PHACTR2: variants seen among roughly 807,000 people sequenced by gnomAD.
PHACTR2 encodes phosphatase and actin regulator 2, also known as chromosome 6 open reading frame 56.
PHACTR2 carries 30 observed loss-of-function variants against 76.0 expected under a neutral mutation model. That is an observed-to-expected ratio of 0.39 (90% confidence interval 0.30 to 0.54). The LOEUF (loss-of-function observed/expected upper bound fraction) is 0.54, where lower values mean the gene tolerates loss of function less well. Among genes scored for constraint, PHACTR2 ranks in the 20% least tolerant of loss-of-function variants. The probability of loss-of-function intolerance (pLI) is 0.61; values close to 1 mark genes in which losing one functional copy is unlikely to be tolerated. For synonymous variants in PHACTR2, 292 were observed against 292.5 expected (o/e 1.00, Z 0.02); for missense variants, 696 against 781.1 (o/e 0.89, Z 1.30).
chr6:143,724,582 A>G (rs1778516565), intron 2 of PHACTR2, among the ~76,000 whole-genome samples: 1 of 144,838 alleles, frequency 6.9e-6, no homozygotes, highest in African/African-American at 2.6e-5. Context: ...AAGGAAGAAA[A>G]ATAGAGGTCC....
chr6:143,660,117 T>C (rs568543137), intron 1 of PHACTR2, among the ~76,000 whole-genome samples: 4 of 152,278 alleles, frequency 2.6e-5, no homozygotes, highest in African/African-American at 7.2e-5. Flanking sequence ...GGCCTAGCAG[T>C]AAAGCTGCTC....
chr6:143,638,118 A>G (rs1460967830), intron 1 of PHACTR2, among the ~76,000 whole-genome samples: 2 of 152,260 alleles, frequency 1.3e-5, no homozygotes, highest in Non-Finnish European at 2.9e-5. Flanking sequence ...TTGATGAATT[A>G]TTTCAGTAAA....
rs541090523 is a variant in PHACTR2 at position 143,822,872 on chromosome 6, A to T, written c.1923-802A>T. Among the ~76,000 whole-genome samples, 17 of 152,368 alleles carry T rather than the reference A, an allele frequency of 1.1e-4. No individual in the cohort carries two copies. Among genetic ancestry groups the T allele is most frequent in the Non-Finnish European group, 1.8e-4 (12 of 68,034 alleles). On this transcript the variant is annotated intron_variant, in intron 12 of 12. Transcript: ENST00000440869. This position sits in a 1 kb window ranked among gnomAD's most constrained non-coding sequence, Gnocchi z 5.5. Reference sequence around the variant, plus strand: ...AAAAGCACCGGGCTACAAAAATGCAAGGAATGTTCAGGAACTCACAAGGAG... The same window carrying T: ...AAAAGCACCGGGCTACAAAAATGCATGGAATGTTCAGGAACTCACAAGGAG...
intron 1 of PHACTR2, among the ~76,000 whole-genome samples, chr6:143,577,082 A>C (rs1775524758): frequency 6.6e-6 from 1 of 152,100 alleles, no homozygotes; most frequent in South Asian, 2.1e-4. Context: ...TTATAATTAG[A>C]TGAACTTCTT....
chr6:143,763,723 A>G (rs1325297170), intron 5 of PHACTR2, among the ~76,000 whole-genome samples: 1 of 152,202 alleles, frequency 6.6e-6, no homozygotes, highest in African/African-American at 2.4e-5. Context: ...GAATAAATGA[A>G]GTCTTACATC....
At chr6:143,736,840 C>G (rs141953222) in intron 2 of PHACTR2, among the ~76,000 whole-genome samples, 2,830 of 151,846 alleles carry the variant, frequency 0.019, 80 homozygotes, top group African/African-American at 0.065. Flanking sequence ...TCCCAAAGTG[C>G]TGGGATTACT....
rs773717681 is a variant in PHACTR2 at position 143,783,264 on chromosome 6, G to T, written c.1691G>T (p.Arg564Leu). Residue 564 changes from arginine (R) to leucine (L), a missense_variant, in exon 10 of 13, where the codon CGC becomes CTC. Transcript: ENST00000440869. The surrounding 1 kb of genome is among the most constrained non-coding windows in gnomAD (Gnocchi z 5.2). ...CAAGAAGCAAAAATGGAACTTAAAC[G>T]CAGACTCAGCAGAAAGGTAATGAAA... ...EEQEAKMELK[R>L]RLSRKLSLRP... 1 of 1,602,964 alleles carries T rather than the reference G, an allele frequency of 6.2e-7. No individual in the cohort carries two copies. The highest frequency in any genetic ancestry group is 1.7e-5 in the Admixed American group (1 of 59,870).
At position 143,782,181 on chromosome 6, in the gene PHACTR2, G is replaced by A. The variant is rs952940086; in HGVS notation, c.1646-1038G>A. Among the ~76,000 whole-genome samples the A allele has an allele frequency of 2.6e-5, 4 of 152,024 alleles. No homozygotes were observed. Among genetic ancestry groups the A allele is most frequent in the African/African-American group, 7.2e-5 (3 of 41,396 alleles). ...GCGGAGGTTGCGGTGAGCCAAGATC[G>A]CGCCACTGCACTCTAGCCTGGGTGA... On this transcript the variant is annotated intron_variant, in intron 9 of 12. Coordinates refer to ENST00000440869, the MANE Select transcript of PHACTR2 (RefSeq NM_001100164.2). The surrounding 1 kb of genome is among the most constrained non-coding windows in gnomAD (Gnocchi z 4.6).
At chr6:143,655,573 T>C (rs1776835324) in intron 1 of PHACTR2, among the ~76,000 whole-genome samples, 1 of 152,254 alleles carries the variant, frequency 6.6e-6, no homozygotes, top group African/African-American at 2.4e-5. Context: ...GCATTTTTAA[T>C]ACTTTCTTTG....
chr6:143,823,565 G>A lies in PHACTR2; in HGVS notation c.1923-109G>A. The A allele has an allele frequency of 1.4e-6, 1 of 722,474 alleles. No homozygotes were observed. Among genetic ancestry groups the A allele is most frequent in the South Asian group, 1.7e-5 (1 of 58,710 alleles). The allele number at this position is 722,474 out of a possible 1,614,324, so 44.8% of individuals were successfully genotyped here. On this transcript the variant is annotated intron_variant, in intron 12 of 12. Coordinates refer to ENST00000440869, the MANE Select transcript of PHACTR2 (RefSeq NM_001100164.2). The surrounding 1 kb of genome is among the most constrained non-coding windows in gnomAD (Gnocchi z 5.7). ...TTTGTAAACAGTAATTCAGTTGGGG[G>A]ATATCTGGGGTACCTTTTCATTGTA...
In PHACTR2 at chr6:143,570,901, G is replaced by A. The variant is rs751721451; in HGVS notation, c.217+33694G>A. ...AATTGCCCTGATTCCCTAACCTAAG[G>A]GATGGCTCTGCAAGTGGTGATCGAT... On this transcript the variant is annotated intron_variant, in intron 1 of 11. Coordinates refer to the PHACTR2 transcript ENST00000367584. This position sits in a 1 kb window ranked among gnomAD's most constrained non-coding sequence, Gnocchi z 4.6. 6.6e-6 allele frequency among the ~76,000 whole-genome samples: 1 copy of A among 152,042 alleles called. No individual in the cohort carries two copies. Among genetic ancestry groups the A allele is most frequent in the South Asian group, 2.1e-4 (1 of 4,810 alleles).
At chr6:143,691,879 A>G (rs1378073239) in intron 1 of PHACTR2, among the ~76,000 whole-genome samples, 1 of 152,228 alleles carries the variant, frequency 6.6e-6, no homozygotes, top group Non-Finnish European at 1.5e-5. Flanking sequence ...AAATTCCAAA[A>G]GGAAGCAATC....
rs539125377 is a variant in PHACTR2 at position 143,699,866 on chromosome 6, G to A, written c.47-12150G>A. 4.6e-5 allele frequency among the ~76,000 whole-genome samples: 7 copies of A among 152,324 alleles called. No individual in the cohort carries two copies. The South Asian group carries it at 6.2e-4, about 14-fold the overall frequency. ...CATCTCTTAACTGAGCTATAAGGACGTAAATCTGGGAGCCTTGGGGACTCC... is the reference window on the plus strand; with the variant it reads ...CATCTCTTAACTGAGCTATAAGGACATAAATCTGGGAGCCTTGGGGACTCC... On this transcript the variant is annotated intron_variant, in intron 1 of 12. Transcript: ENST00000440869.
At position 143,800,207 on chromosome 6, in the gene PHACTR2, G is replaced by A. The variant is rs558096856; in HGVS notation, c.1846-6850G>A. 6.6e-6 allele frequency among the ~76,000 whole-genome samples: 1 copy of A among 152,066 alleles called. No individual in the cohort carries two copies. The highest frequency in any genetic ancestry group is 1.5e-5 in the Non-Finnish European group (1 of 67,998). Reference sequence around the variant, plus strand: ...ATCAGAGACCAGGATTGCAACCTGTGCTATTTTTTTACTTTCTATTTGCTT... The same window carrying A: ...ATCAGAGACCAGGATTGCAACCTGTACTATTTTTTTACTTTCTATTTGCTT... On this transcript the variant is annotated intron_variant, in intron 11 of 12. Coordinates refer to ENST00000440869, the MANE Select transcript of PHACTR2 (RefSeq NM_001100164.2). The surrounding 1 kb of genome is among the most constrained non-coding windows in gnomAD (Gnocchi z 4.8).
intron 1 of PHACTR2, among the ~76,000 whole-genome samples, chr6:143,644,299 C>G (rs1206185098): frequency 6.6e-6 from 1 of 152,010 alleles, no homozygotes; most frequent in African/African-American, 2.4e-5. Context: ...AACCCCATCT[C>G]TACTAAAAAT....
chr6:143,810,654 A>AC, intron 12 of PHACTR2: 1 of 383,794 alleles, frequency 2.6e-6, no homozygotes, highest in South Asian at 1.9e-5. Flanking sequence ...ACATAGTGAG[A>AC]CCCCATCTCT....
chr6:143,631,275 C>T (rs563880290), intron 1 of PHACTR2, among the ~76,000 whole-genome samples: 2 of 152,268 alleles, frequency 1.3e-5, no homozygotes, highest in South Asian at 4.1e-4. Flanking sequence ...ACTGCAGCCT[C>T]AACCTCCTGG....
In PHACTR2 at chr6:143,660,244, C is replaced by CAA. The variant is rs11330374; in HGVS notation, c.14-51759_14-51758dup. Among the ~76,000 whole-genome samples, 62 of 115,904 alleles carry CAA rather than the reference C, an allele frequency of 5.3e-4. 1 individual carries two copies. The highest frequency in any genetic ancestry group is 1.9e-3 in the African/African-American group (61 of 31,778). The allele number at this position is 115,904 out of a possible 152,430, so 76.0% of individuals were successfully genotyped here. A position where few individuals can be genotyped will look rare whatever the true frequency, so the allele number is the denominator to read the frequency against. On this transcript the variant is annotated intron_variant, in intron 1 of 11. Transcript: ENST00000305766. ...GACATACCCAAGACCGAGCAATTTA[C>CAA]AAAAAAAAAAAAAAGGTTTATTGGA...
intron 9 of PHACTR2, among the ~76,000 whole-genome samples, chr6:143,781,480 T>C (rs540062326): frequency 1.7e-4 from 26 of 152,348 alleles, no homozygotes; most frequent in Admixed American, 5.2e-4. Context: ...AAATACTGTA[T>C]AGGAAGAATT....
Sources: allele counts gnomAD v4.1 joint callset (sites outside exome capture counted in the v4.1 genomes callset), GRCh38; gene constraint gnomAD v4.1.1; non-coding constraint Gnocchi (gnomAD v3.1); transcripts MANE v1.5; gene names NCBI Gene and HGNC (gene_info 2026-07-23, HGNC 2026-07-21).